Variants in TLN2 observed in about 807,000 individuals in gnomAD.
TLN2 encodes talin-2.
In TLN2, 118 loss-of-function variants were observed where a neutral mutation model predicts 294.7. The ratio of observed to expected loss-of-function variants is 0.40; its 90% confidence interval spans 0.34 to 0.47. The LOEUF (loss-of-function observed/expected upper bound fraction) is 0.47. Among genes scored for constraint, TLN2 ranks in the 20% least tolerant of loss-of-function variants. The pLI is 0.84. For synonymous variants in TLN2, 1,431 were observed against 1,304.5 expected (o/e 1.10, Z -2.09); for missense variants, 3,083 against 3,282.2 (o/e 0.94, Z 1.48).
chr15:62,673,671 CA>C (rs965663965), intron 9 of TLN2, among the ~76,000 whole-genome samples, 155 bp from the exon 10 acceptor site: 2 of 150,654 alleles, frequency 1.3e-5, no homozygotes, highest in Non-Finnish European at 2.9e-5. Flanking sequence ...TGCCCTTATT[CA>C]AGTGCATCGT....
rs148359584 is a variant in TLN2 at position 62,567,314 on chromosome 15, A to G, written c.-237-22373A>G. Among the ~76,000 whole-genome samples the G allele has an allele frequency of 1.6e-4, 24 of 152,352 alleles. No homozygotes were observed. In the East Asian group the frequency reaches 1.7e-3, roughly 11 times the overall value. ...TATTTCCTAGTGTTAAATCTGCAAC[A>G]TTGTGATTACTAGTTCAAGGCAGTG... is the stretch of plus-strand genomic sequence containing the variant. On this transcript the variant is annotated intron_variant, in intron 1 of 58. Coordinates refer to ENST00000636159, the MANE Select transcript of TLN2 (RefSeq NM_015059.3).
chr15:62,657,916 TC>T lies in TLN2; in HGVS notation c.788+19del. The T allele has an allele frequency of 5.0e-6, 8 of 1,604,968 alleles. No individual in the cohort carries two copies. Among genetic ancestry groups the T allele is most frequent in the Non-Finnish European group, 5.1e-6 (6 of 1,175,564 alleles). The stretch of plus-strand genomic sequence containing the variant: ...TTTTTAGAGTAAATGACATTTTGTT[TC>T]TCTTTTTTCTCTTTTCTCCTGTCTT... On this transcript the variant is annotated intron_variant, in intron 9 of 58. Transcript: ENST00000636159.
intron 40 of TLN2, among the ~76,000 whole-genome samples, chr15:62,765,328 C>A (rs1318959356): frequency 1.4e-5 from 2 of 142,892 alleles, no homozygotes; most frequent in Non-Finnish European, 3.1e-5. Context: ...TTTTTTTTTT[C>A]TTTTTCCAGG....
chr15:62,439,715 CTGAT>C (rs1370860783), intron 1 of TLN2, among the ~76,000 whole-genome samples: 3 of 152,152 alleles, frequency 2.0e-5, no homozygotes, highest in African/African-American at 7.2e-5. Flanking sequence ...CAGTGACTCT[CTGAT>C]TGTGAAAGCC....
rs570562648 is a variant in TLN2 at position 62,570,771 on chromosome 15, C to T, written c.-237-18916C>T. On this transcript the variant is annotated intron_variant, in intron 1 of 58. Coordinates refer to ENST00000636159, the MANE Select transcript of TLN2 (RefSeq NM_015059.3). ...CCCAGTGGTGGATACCAAAAATTTC[C>T]CCAGACAACACTGAATGTCTCCTGC... Among the ~76,000 whole-genome samples, 5 of 152,274 alleles carry T rather than the reference C, an allele frequency of 3.3e-5. No homozygotes were observed. In the South Asian group the frequency reaches 6.2e-4, roughly 19 times the overall value.
chr15:62,474,253 A>G (rs1212665323), intron 1 of TLN2, among the ~76,000 whole-genome samples: 1 of 152,200 alleles, frequency 6.6e-6, no homozygotes, highest in African/African-American at 2.4e-5. Flanking sequence ...CTGAAGGCAT[A>G]ATTGTCTCTA....
chr15:62,647,506 G>A, intron 4 of TLN2, 60 bp downstream of exon 4: 1 of 1,608,912 alleles, frequency 6.2e-7, no homozygotes, highest in Non-Finnish European at 8.5e-7. Context: ...TCACTTTTTT[G>A]CTAAAGAGAC....
intron 19 of TLN2, 42 bp from the exon 20 acceptor site, chr15:62,707,044 T>A (rs139925233): frequency 6.4e-7 from 1 of 1,561,662 alleles, no homozygotes; most frequent in East Asian, 2.3e-5. Context: ...GAAAGGTGAT[T>A]AGAGAAAAAT....
At chr15:62,677,453 A>G (rs141361563) in intron 11 of TLN2, among the ~76,000 whole-genome samples, 45 of 152,362 alleles carry the variant, frequency 3.0e-4, no homozygotes, top group Non-Finnish European at 4.9e-4. Flanking sequence ...ACATACAGAA[A>G]TCTGTAATTA....
In TLN2 at chr15:62,647,434, C is replaced by T; in HGVS notation, c.124C>T (p.Gln42Ter). Residue 42 changes from glutamine (Q) to a stop codon, truncating the protein, a stop_gained, in exon 4 of 59, where the codon CAA becomes TAA. Coordinates refer to ENST00000636159, the MANE Select transcript of TLN2 (RefSeq NM_015059.3). LOFTEE classifies it high-confidence loss of function. The stretch of plus-strand genomic sequence containing the variant: ...CATTCGGGAACGGGTGCCTGAGGCA[C>T]AAACTGGGCAAGGTAGGTCATGGGT... ...RVIRERVPEA[Q>*]TGQASDYGLF... is the part of the protein sequence containing the mutation. The T allele has an allele frequency of 6.2e-7, 1 of 1,614,202 alleles. No individual in the cohort carries two copies. The highest frequency in any genetic ancestry group is 8.5e-7 in the Non-Finnish European group (1 of 1,180,020).
At position 62,708,724 on chromosome 15, in the gene TLN2, G is replaced by A. The variant is rs1391008249; in HGVS notation, c.2395G>A (p.Gly799Ser). The change falls in exon 21 of 59, where the codon GGC becomes AGC. Residue 799 changes from glycine to serine, a missense_variant. Transcript: ENST00000636159. ...RQFASRGEPI[G>S]RYDQATDTIM... ...GTTTGCCAGCCGAGGCGAGCCCATC[G>A]GCCGCTACGACCAGGCTACTGACAC... 14 of 1,612,632 alleles carry A rather than the reference G, an allele frequency of 8.7e-6. No individual in the cohort carries two copies. The highest frequency in any genetic ancestry group is 1.1e-5 in the South Asian group (1 of 91,064).
At chr15:62,400,578 G>GT (rs1312828481) in intron 1 of TLN2, among the ~76,000 whole-genome samples, 6 of 151,672 alleles carry the variant, frequency 4.0e-5, no homozygotes, top group East Asian at 1.9e-4. Flanking sequence ...TCTGATTCCT[G>GT]GTTTTTTTCA....
intron 3 of TLN2, among the ~76,000 whole-genome samples, chr15:62,632,489 T>A (rs4775522): frequency 2.0e-5 from 3 of 152,104 alleles, no homozygotes; most frequent in South Asian, 2.1e-4. Flanking sequence ...CCCCGAGCCC[T>A]GTGGAAGCTC....
At chr15:62,741,893 C>G (rs896747200) in intron 32 of TLN2, among the ~76,000 whole-genome samples, 2 of 151,968 alleles carry the variant, frequency 1.3e-5, no homozygotes, top group Non-Finnish European at 2.9e-5. Flanking sequence ...CTCAGCCTGT[C>G]TAAACTTTCC....
intron 1 of TLN2, among the ~76,000 whole-genome samples, chr15:62,443,475 T>C (rs1015678662): frequency 6.6e-6 from 1 of 152,234 alleles, no homozygotes; most frequent in Non-Finnish European, 1.5e-5. Flanking sequence ...TGAATGAGCT[T>C]TTTATTAAAG....
chr15:62,757,059 C>A (rs868615934), intron 37 of TLN2, among the ~76,000 whole-genome samples: 1 of 152,190 alleles, frequency 6.6e-6, no homozygotes, highest in Non-Finnish European at 1.5e-5. Context: ...ATAAAGCTTA[C>A]ATTTAAAAAT....
At chr15:62,604,682 TC>T (rs2047279916) in intron 2 of TLN2, among the ~76,000 whole-genome samples, 1 of 146,462 alleles carries the variant, frequency 6.8e-6, no homozygotes, top group Non-Finnish European at 1.5e-5. Context: ...GTGGATTTCT[TC>T]TCTTCGTCTT....
intron 36 of TLN2, chr15:62,754,947 A>C: frequency 6.6e-6 from 1 of 152,448 alleles, no homozygotes; most frequent in African/African-American, 2.4e-5. Flanking sequence ...TATGGTGGCC[A>C]CTGGCTACAT....
chr15:62,676,439 T>C (rs1189096342), intron 11 of TLN2, among the ~76,000 whole-genome samples: 1 of 152,228 alleles, frequency 6.6e-6, no homozygotes, highest in Non-Finnish European at 1.5e-5. Context: ...ATCTTTTACA[T>C]TTAGTGGCAG....
Sources: gnomAD v4.1 joint callset for allele counts (sites outside exome capture counted in the v4.1 genomes callset) on GRCh38, gnomAD v4.1.1 for gene constraint, MANE v1.5 for transcripts, NCBI Gene and HGNC (gene_info 2026-07-23, HGNC 2026-07-21) for gene names.